KLF13: variants seen among roughly 807,000 people sequenced by gnomAD.
The protein encoded by KLF13 is KLF transcription factor 13.
KLF13 carries 8 observed loss-of-function variants against 16.7 expected under a neutral mutation model. The ratio of observed to expected loss-of-function variants is 0.48; its 90% CI spans 0.28 to 0.87. KLF13 has a LOEUF of 0.87. KLF13 is among the 40% of genes least tolerant of loss of function. KLF13 has a pLI of 0.10. For synonymous variants in KLF13, 245 were observed against 208.4 expected (o/e 1.18, Z -1.51); for missense variants, 447 against 452.2 (o/e 0.99, Z 0.10).
In KLF13 at chr15:31,374,911, A is replaced by AT. The variant is rs1466578127; in HGVS notation, c.*2617dup. ...GTTTCCAAAGAGAGCACTTAATTTA[A>AT]TTTTTCCTTTAAATGACCCAGGGCT... On this transcript the variant is annotated 3_prime_UTR_variant, in exon 2 of 2. Coordinates refer to ENST00000307145, the MANE Select transcript of KLF13 (RefSeq NM_015995.4). 1 of 152,204 alleles carries AT rather than the reference A, an allele frequency of 6.6e-6. No homozygotes were observed. The highest frequency in any genetic ancestry group is 1.9e-4 in the East Asian group (1 of 5,180). The allele number at this position is 152,204 out of a possible 1,614,324, so 9.4% of individuals were successfully genotyped here. A position where few individuals can be genotyped will look rare whatever the true frequency, so the allele number is the denominator to read the frequency against.
intron 1 of KLF13, among the ~76,000 whole-genome samples, chr15:31,333,855 G>T (rs1198235820): frequency 6.6e-6 from 1 of 152,162 alleles, no homozygotes. Context: ...AACTCACAAT[G>T]TGGATTGGTC....
chr15:31,359,021 C>A (rs1029345090), intron 1 of KLF13, among the ~76,000 whole-genome samples: 5 of 152,188 alleles, frequency 3.3e-5, no homozygotes, highest in African/African-American at 1.2e-4. Flanking sequence ...GAGGGTCTCA[C>A]AATGGAAAGG....
chr15:31,422,182 C>T (rs2040336537), intron 1 of KLF13, among the ~76,000 whole-genome samples: 1 of 151,346 alleles, frequency 6.6e-6, no homozygotes, highest in African/African-American at 2.4e-5. Context: ...ATAGATTTTT[C>T]AGAACCTCAA....
At chr15:31,406,685 A>G (rs1360509707), downstream of KLF13, among the ~76,000 whole-genome samples, 3 of 152,246 alleles carry the variant, frequency 2.0e-5, no homozygotes, top group Non-Finnish European at 4.4e-5. Flanking sequence ...GCAGGACTGC[A>G]TTCCTTCTGG....
intron 1 of KLF13, among the ~76,000 whole-genome samples, chr15:31,365,452 C>T (rs774133516): frequency 2.0e-5 from 3 of 152,130 alleles, no homozygotes; most frequent in East Asian, 1.9e-4. Flanking sequence ...AGCAGGAGGC[C>T]GGCAGAAGAG....
At chr15:31,382,557 G>T (rs549519628), downstream of KLF13, among the ~76,000 whole-genome samples, 1 of 152,330 alleles carries the variant, frequency 6.6e-6, no homozygotes, top group East Asian at 1.9e-4. Flanking sequence ...ATGACACAGG[G>T]CTGGTGACTT....
At chr15:31,353,144 C>T (rs1010163911) in intron 1 of KLF13, among the ~76,000 whole-genome samples, 7 of 152,144 alleles carry the variant, frequency 4.6e-5, no homozygotes, top group Admixed American at 2.6e-4. Context: ...GGCCTCATTT[C>T]CTGGTCTGTC....
In KLF13 at chr15:31,337,645, G is replaced by A. The variant is rs1022336184; in HGVS notation, c.577+9856G>A. Among the ~76,000 whole-genome samples, 9 of 152,154 alleles carry A rather than the reference G, an allele frequency of 5.9e-5. No individual in the cohort carries two copies. In the East Asian group the frequency reaches 7.7e-4, roughly 13 times the overall value. On this transcript the variant is annotated intron_variant, in intron 1 of 1. Transcript: ENST00000307145. ...GCCTCTTGCTTCTAGGCTGCAAGCC[G>A]GTACAGTATAGTACTGTCCTGAATA...
chr15:31,391,838 G>A (rs969681000), upstream of KLF13, among the ~76,000 whole-genome samples: 6 of 152,108 alleles, frequency 3.9e-5, no homozygotes, highest in Non-Finnish European at 8.8e-5. Context: ...GGCGCTTCCC[G>A]GGCTTCCCAG....
chr15:31,355,962 A>G (rs1024684397), intron 1 of KLF13, among the ~76,000 whole-genome samples: 2 of 151,790 alleles, frequency 1.3e-5, no homozygotes, highest in Admixed American at 1.3e-4. Flanking sequence ...AGCCCCTGCC[A>G]TCTGCTTCTT....
chr15:31,333,623 G>C (rs191833515), intron 1 of KLF13, among the ~76,000 whole-genome samples: 2 of 151,012 alleles, frequency 1.3e-5, no homozygotes, highest in South Asian at 2.1e-4. Flanking sequence ...TTTCCATCTC[G>C]CCTCTCTCTT....
chr15:31,374,466 CT>C lies in KLF13; in HGVS notation c.*2168del, dbSNP rs2039610898. ...GTAGGGACCTTGACAGAAGAGAGCC[CT>C]GGGTGCTTGTGGTGCAAAGATCTTC... On this transcript the variant is annotated 3_prime_UTR_variant, in exon 2 of 2. Coordinates refer to ENST00000307145, the MANE Select transcript of KLF13 (RefSeq NM_015995.4). 2 of 152,696 alleles carry C rather than the reference CT, an allele frequency of 1.3e-5. No homozygotes were observed. Among genetic ancestry groups the C allele is most frequent in the African/African-American group, 4.8e-5 (2 of 41,538 alleles). 9.5% of individuals were successfully genotyped at this position (152,696 alleles called of 1,614,324 possible). A position where few individuals can be genotyped will look rare whatever the true frequency, so the allele number is the denominator to read the frequency against.
At chr15:31,407,550 A>T (rs10152853), downstream of KLF13, among the ~76,000 whole-genome samples, 27,748 of 152,188 alleles carry the variant, frequency 0.18, 2,887 homozygotes, top group East Asian at 0.31. Flanking sequence ...TGTTTTATGT[A>T]TAAGAAAAGA....
In KLF13 at chr15:31,327,570, C is replaced by G; in HGVS notation, c.358C>G (p.Pro120Ala). 8.7e-7 allele frequency: 1 copy of G among 1,155,848 alleles called. No individual in the cohort carries two copies. The allele number at this position is 1,155,848 out of a possible 1,614,324, so 71.6% of individuals were successfully genotyped here. A position where few individuals can be genotyped will look rare whatever the true frequency, so the allele number is the denominator to read the frequency against. ...AGGCGCGGCGGCCGCGCCCCCCAGC[C>G]CGGCGTGGAGCGAGCCGGAGCCCGA... is the stretch of plus-strand genomic sequence containing the variant. ...AEGAAAAPPS[P>A]AWSEPEPEAG... The change falls in exon 1 of 2, where the codon CCG (proline) becomes GCG (alanine). Residue 120 changes from proline (P) to alanine (A), a missense_variant. Coordinates refer to ENST00000307145, the MANE Select transcript of KLF13 (RefSeq NM_015995.4).
At chr15:31,378,330 C>G (rs1245209939), downstream of KLF13, among the ~76,000 whole-genome samples, 2 of 152,180 alleles carry the variant, frequency 1.3e-5, no homozygotes, top group Non-Finnish European at 2.9e-5. Context: ...AGAAAACTCC[C>G]CTGTTTCTAG....
At chr15:31,361,318 A>C (rs2039380755) in intron 1 of KLF13, among the ~76,000 whole-genome samples, 1 of 152,074 alleles carries the variant, frequency 6.6e-6, no homozygotes, top group Non-Finnish European at 1.5e-5. Flanking sequence ...GCCTAGCCTC[A>C]GGCCCACCCT....
At chr15:31,335,020 C>T (rs2038903480) in intron 1 of KLF13, among the ~76,000 whole-genome samples, 1 of 152,228 alleles carries the variant, frequency 6.6e-6, no homozygotes, top group African/African-American at 2.4e-5. Context: ...ACCAAAAGCT[C>T]TGCCATTTGG....
At chr15:31,410,056 T>A (rs915342235) in intron 1 of KLF13, among the ~76,000 whole-genome samples, 1 of 152,048 alleles carries the variant, frequency 6.6e-6, no homozygotes, top group African/African-American at 2.4e-5. Context: ...CAGTGTATCA[T>A]GTGTTTATAG....
Position 31,359,905 on chromosome 15 carries a change from C to T in KLF13, c.578-12105C>T, listed in dbSNP as rs531231336. ...TAACCTTGGGGATGACACCAAGGAG[C>T]GCTGAGCCCTCCACCCCGCATGTTG... On this transcript the variant is annotated intron_variant, in intron 1 of 1. Transcript: ENST00000307145. 2.5e-4 allele frequency among the ~76,000 whole-genome samples: 38 copies of T among 152,300 alleles called. 2 individuals are homozygous for T. The highest frequency in any genetic ancestry group is 9.1e-4 in the African/African-American group (38 of 41,550).
Sources: gnomAD v4.1 joint callset for allele counts (sites outside exome capture counted in the v4.1 genomes callset) on GRCh38, gnomAD v4.1.1 for gene constraint, MANE v1.5 for transcripts, NCBI Gene and HGNC (gene_info 2026-07-23, HGNC 2026-07-21) for gene names.